The following GRB10 variants were observed in gnomAD, a reference collection of about 807,000 sequenced individuals.
The protein encoded by GRB10 is growth factor receptor-bound protein 10.
A neutral mutation model predicts 80.9 loss-of-function variants in GRB10; 20 were observed. That is an observed-to-expected ratio of 0.25 (90% CI 0.17 to 0.36). The LOEUF (loss-of-function observed/expected upper bound fraction) is 0.36. Ranked by LOEUF, GRB10 falls within the 10% of genes least tolerant of loss-of-function variation. The pLI is 1.00. For missense variants in GRB10, 548 were observed against 747.7 expected, an observed-to-expected ratio of 0.73 and a Z score of 3.12; for synonymous variants, 291 against 291.5, an observed-to-expected ratio of 1.00 and a Z score of 0.02.
At chr7:50,604,778 A>G (rs2048235130) in intron 15 of GRB10, 1 of 341,200 alleles carries the variant, frequency 2.9e-6, no homozygotes, top group Non-Finnish European at 5.6e-6. Flanking sequence ...GCTGAAGTAC[A>G]GAAAATGCCA....
intron 5 of GRB10, among the ~76,000 whole-genome samples, chr7:50,689,296 T>C (rs1003416042): frequency 1.3e-5 from 2 of 152,212 alleles, no homozygotes; most frequent in South Asian, 4.1e-4. Context: ...GCAAGTAGAT[T>C]AGAAGCCTGC....
chr7:50,593,658 T>A (rs183765170), intron 18 of GRB10, among the ~76,000 whole-genome samples: 1 of 152,306 alleles, frequency 6.6e-6, no homozygotes, highest in East Asian at 1.9e-4. Context: ...TGCCACAGTA[T>A]CTCCCAGAGA....
chr7:50,729,811 T>C (rs760578986), intron 4 of GRB10, among the ~76,000 whole-genome samples: 6 of 148,760 alleles, frequency 4.0e-5, no homozygotes, highest in Non-Finnish European at 5.9e-5. Flanking sequence ...TTCACAGCTA[T>C]CTCACTTGCC....
chr7:50,632,175 A>G (rs2054121624), intron 7 of GRB10, among the ~76,000 whole-genome samples: 1 of 152,192 alleles, frequency 6.6e-6, no homozygotes, highest in Non-Finnish European at 1.5e-5. Flanking sequence ...AATTAATGAT[A>G]TTATTTCTTG....
chr7:50,698,894 G>C (rs1320682017), intron 5 of GRB10, among the ~76,000 whole-genome samples: 1 of 152,210 alleles, frequency 6.6e-6, no homozygotes, highest in Non-Finnish European at 1.5e-5. Flanking sequence ...GAGAAAATGT[G>C]ACATCTGCAC....
chr7:50,733,989 T>C (rs1434793034), intron 3 of GRB10, among the ~76,000 whole-genome samples: 1 of 152,236 alleles, frequency 6.6e-6, no homozygotes, highest in Non-Finnish European at 1.5e-5. Flanking sequence ...CTGCCTGCTC[T>C]GCAGATTTCA....
At chr7:50,701,037 T>C (rs927637772) in intron 5 of GRB10, among the ~76,000 whole-genome samples, 1 of 152,208 alleles carries the variant, frequency 6.6e-6, no homozygotes, top group African/African-American at 2.4e-5. Flanking sequence ...TAATATCTTT[T>C]TTCTCTTCAC....
At chr7:50,788,570 C>T (rs1181085210) in intron 1 of GRB10, among the ~76,000 whole-genome samples, 1 of 152,168 alleles carries the variant, frequency 6.6e-6, no homozygotes, top group East Asian at 1.9e-4. Context: ...GCTCTAGTGA[C>T]CTTAATGACA....
rs139482805 is a variant in GRB10, at chr7:50,676,739, T to C, written c.140-2081A>G. Among the ~76,000 whole-genome samples the C allele has an allele frequency of 2.5e-4, 38 of 152,284 alleles. No individual in the cohort carries two copies. The East Asian group carries it at 7.1e-3, about 29-fold the overall frequency. ...CAACAACAATGAGGGAGGGAAGTCC[T>C]GGGCAACCACGGTAGTGCAGAGGGG... On this transcript the variant is annotated intron_variant, in intron 5 of 18. Transcript: ENST00000401949.
chr7:50,754,673 G>A (rs570798496), intron 3 of GRB10, among the ~76,000 whole-genome samples: 1 of 152,330 alleles, frequency 6.6e-6, no homozygotes, highest in East Asian at 1.9e-4. Context: ...CAGACATTTG[G>A]GAAAAGATAG....
rs558640684 is a variant in GRB10 at position 50,627,375 on chromosome 7, A to G, written c.505-397T>C. On this transcript the variant is annotated intron_variant, in intron 7 of 18. Coordinates refer to ENST00000401949, the MANE Select transcript of GRB10 (RefSeq NM_001350814.2). The stretch of plus-strand genomic sequence containing the variant: ...ATTGAAAAAACAAGCAAGCAACAAC[A>G]AATCCTGTAAATCTCCCTCTTCCCA... Among the ~76,000 whole-genome samples, 20 of 152,254 alleles carry G rather than the reference A, an allele frequency of 1.3e-4. 1 individual carries two copies. The South Asian group carries it at 3.3e-3, about 25-fold the overall frequency.
chr7:50,659,523 T>C (rs1194784879), intron 7 of GRB10, among the ~76,000 whole-genome samples: 1 of 152,164 alleles, frequency 6.6e-6, no homozygotes, highest in Non-Finnish European at 1.5e-5. Context: ...CTGCCAACGC[T>C]CAAGGCTGGA....
intron 16 of GRB10, 91 bp from the exon 17 acceptor site, chr7:50,604,176 C>G: frequency 7.8e-7 from 1 of 1,287,946 alleles, no homozygotes; most frequent in African/African-American, 1.5e-5. Flanking sequence ...CAACTCAGAG[C>G]CCCTGACTCC....
intron 17 of GRB10, among the ~76,000 whole-genome samples, chr7:50,596,849 A>C (rs1254806777): frequency 1.3e-5 from 2 of 152,324 alleles, no homozygotes; most frequent in Admixed American, 6.5e-5. Flanking sequence ...TTTTAATCCT[A>C]AATTAGAATA....
At chr7:50,634,261 G>A (rs1261556829) in intron 7 of GRB10, among the ~76,000 whole-genome samples, 4 of 152,162 alleles carry the variant, frequency 2.6e-5, no homozygotes, top group Non-Finnish European at 5.9e-5. Flanking sequence ...AAAAAGAAAC[G>A]TAAGTCAAGA....
intron 5 of GRB10, among the ~76,000 whole-genome samples, chr7:50,686,381 G>A (rs2062104407): frequency 6.6e-6 from 1 of 152,206 alleles, no homozygotes; most frequent in African/African-American, 2.4e-5. Context: ...ATAAATTTAT[G>A]TTGTTTGTAA....
intron 4 of GRB10, among the ~76,000 whole-genome samples, chr7:50,707,821 C>T (rs2065253454): frequency 6.6e-6 from 1 of 152,202 alleles, no homozygotes; most frequent in Admixed American, 6.5e-5. Context: ...GGTTAACAAG[C>T]CCCTTGCGTG....
chr7:50,763,539 T>G (rs76824802), intron 2 of GRB10, among the ~76,000 whole-genome samples: 236 of 152,260 alleles, frequency 1.5e-3, no homozygotes, highest in African/African-American at 5.5e-3. Flanking sequence ...CTCACATGCA[T>G]ACACACGCGT....
chr7:50,712,264 T>C (rs943989823), intron 4 of GRB10, among the ~76,000 whole-genome samples: 2 of 152,224 alleles, frequency 1.3e-5, no homozygotes, highest in Non-Finnish European at 2.9e-5. Context: ...CCTGTTTTGA[T>C]ATTACACTTT....
Sources: allele counts gnomAD v4.1 joint callset (sites outside exome capture counted in the v4.1 genomes callset), GRCh38; gene constraint gnomAD v4.1.1; transcripts MANE v1.5; gene names NCBI Gene and HGNC (gene_info 2026-07-23, HGNC 2026-07-21).